Variants in MAN2A1 observed in about 807,000 individuals in gnomAD.
MAN2A1 encodes mannosidase alpha class 2A member 1, also known as alpha-mannosidase 2.
Under a neutral mutation model 142.6 loss-of-function variants are expected in MAN2A1, and 76 were observed. The observed-to-expected ratio is 0.53, with a 90% CI of 0.44 to 0.65. The LOEUF (loss-of-function observed/expected upper bound fraction) is 0.65, where lower values mean the gene tolerates loss of function less well. Ranked by LOEUF, MAN2A1 falls within the 30% of genes least tolerant of loss-of-function variation. The pLI is 0.00. For missense variants in MAN2A1, 1,311 were observed against 1,365.1 expected (o/e 0.96, Z 0.62); for synonymous variants, 559 against 473.2 (o/e 1.18, Z -2.35).
intron 10 of MAN2A1, among the ~76,000 whole-genome samples, chr5:109,787,324 CA>C (rs1256169428): frequency 6.6e-6 from 1 of 151,932 alleles, no homozygotes; most frequent in African/African-American, 2.4e-5. Context: ...CTCCTTAATA[CA>C]ACAACCATAA....
chr5:109,758,329 A>G (rs1752745247), intron 5 of MAN2A1, among the ~76,000 whole-genome samples: 1 of 152,092 alleles, frequency 6.6e-6, no homozygotes, highest in African/African-American at 2.4e-5. Flanking sequence ...TCTTTTAAGG[A>G]TAAATGTCTA....
rs115600778 is a variant in MAN2A1 at position 109,821,677 on chromosome 5, C to A, written c.2451+1335C>A. On this transcript the variant is annotated intron_variant, in intron 15 of 21. Coordinates refer to ENST00000261483, the MANE Select transcript of MAN2A1 (RefSeq NM_002372.4). ...TTTTGTGGTTACTAGTAAGGTTGAA[C>A]GTTTTTGTACCTTCATTTATCTTTC... Among the ~76,000 whole-genome samples the A allele has an allele frequency of 4.9e-3, 740 of 152,054 alleles. 12 individuals are homozygous for A. The highest frequency in any genetic ancestry group is 0.017 in the African/African-American group (712 of 41,482).
chr5:109,820,002 C>T (rs943207351), intron 14 of MAN2A1, 115 bp downstream of exon 14: 1 of 859,430 alleles, frequency 1.2e-6, no homozygotes, highest in East Asian at 2.5e-5. Flanking sequence ...ATCAAATACT[C>T]TTGAGTAAAA....
intron 3 of MAN2A1, among the ~76,000 whole-genome samples, chr5:109,719,380 G>A (rs1300166964): frequency 6.6e-6 from 1 of 152,092 alleles, no homozygotes; most frequent in East Asian, 1.9e-4. Context: ...CTTAACAAAA[G>A]TAAAATATTG....
chr5:109,825,351 T>C (rs1754728090), intron 16 of MAN2A1, among the ~76,000 whole-genome samples: 1 of 152,254 alleles, frequency 6.6e-6, no homozygotes. Context: ...ACTTGTGTCA[T>C]CAGGTTTGAT....
At chr5:109,806,571 C>G (rs1207795863) in intron 12 of MAN2A1, among the ~76,000 whole-genome samples, 1 of 152,016 alleles carries the variant, frequency 6.6e-6, no homozygotes, top group Non-Finnish European at 1.5e-5. Flanking sequence ...AACTGTCTGC[C>G]CCAGTAATAT....
At chr5:109,751,614 G>GT (rs1752551088) in intron 4 of MAN2A1, among the ~76,000 whole-genome samples, 1 of 151,108 alleles carries the variant, frequency 6.6e-6, no homozygotes, top group Non-Finnish European at 1.5e-5. Context: ...TAATGTAAAT[G>GT]TTTTTTAAAA....
chr5:109,857,593 T>C (rs1755656854), intron 20 of MAN2A1, among the ~76,000 whole-genome samples: 1 of 152,220 alleles, frequency 6.6e-6, no homozygotes, highest in South Asian at 2.1e-4. Flanking sequence ...TGGAGCTGAC[T>C]AGAGTCAGTG....
intron 3 of MAN2A1, among the ~76,000 whole-genome samples, chr5:109,727,238 C>G (rs148866455): frequency 3.9e-5 from 6 of 151,974 alleles, no homozygotes; most frequent in African/African-American, 1.5e-4. Flanking sequence ...TTTCACAGTT[C>G]GAGGCTAGAA....
chr5:109,820,981 G>T (rs1349971619), intron 15 of MAN2A1, among the ~76,000 whole-genome samples: 1 of 152,070 alleles, frequency 6.6e-6, no homozygotes, highest in Non-Finnish European at 1.5e-5. Context: ...ATTTTCCACT[G>T]GACCATTTTT....
intron 12 of MAN2A1, among the ~76,000 whole-genome samples, chr5:109,797,475 G>T (rs1448461369): frequency 6.6e-6 from 1 of 151,948 alleles, no homozygotes; most frequent in African/African-American, 2.4e-5. Flanking sequence ...CTGAAAGAGG[G>T]TATGGATGTG....
Position 109,855,294 on chromosome 5 carries a change from G to A in MAN2A1, c.3131G>A (p.Cys1044Tyr). The change falls in exon 20 of 22, where the codon TGT (cysteine) becomes TAT (tyrosine). Residue 1044 changes from cysteine (C) to tyrosine (Y), a missense_variant. Around this residue, in one of 3 missense-constraint regions of MAN2A1, gnomAD observed 890 missense variants for 920.5 expected, o/e 0.97. Transcript: ENST00000261483. ...EFSPLQSSLP[C>Y]DIHLVNLRTI... Reference sequence around the variant, plus strand: ...TCTCCATTACAGTCATCTTTGCCTTGTGACATTCATCTGGTTAATTTGAGA... The same window carrying A: ...TCTCCATTACAGTCATCTTTGCCTTATGACATTCATCTGGTTAATTTGAGA... The A allele has an allele frequency of 6.3e-7, 1 of 1,599,824 alleles. No homozygotes were observed. Among genetic ancestry groups the A allele is most frequent in the Non-Finnish European group, 8.5e-7 (1 of 1,175,500 alleles).
intron 12 of MAN2A1, among the ~76,000 whole-genome samples, chr5:109,798,203 C>G (rs1205078071): frequency 2.0e-5 from 3 of 152,102 alleles, no homozygotes; most frequent in Admixed American, 6.5e-5. Flanking sequence ...ATATTAATGC[C>G]TGAAATAGGT....
intron 16 of MAN2A1, among the ~76,000 whole-genome samples, chr5:109,833,848 A>C (rs1754994414): frequency 6.6e-6 from 1 of 152,222 alleles, no homozygotes; most frequent in African/African-American, 2.4e-5. Flanking sequence ...ACTGCCTGAC[A>C]ACCTGATTAG....
chr5:109,834,523 C>T (rs1561535983), intron 16 of MAN2A1, among the ~76,000 whole-genome samples: 1 of 152,064 alleles, frequency 6.6e-6, no homozygotes, highest in African/African-American at 2.4e-5. Context: ...TTGGTATAAT[C>T]TTTACCCAAC....
intron 12 of MAN2A1, among the ~76,000 whole-genome samples, chr5:109,804,470 A>G (rs968472825): frequency 2.0e-5 from 3 of 152,072 alleles, no homozygotes; most frequent in African/African-American, 4.8e-5. Flanking sequence ...TATTACAGGT[A>G]GTTGGTTGGC....
At chr5:109,753,814 C>G (rs984554073) in intron 4 of MAN2A1, among the ~76,000 whole-genome samples, 1 of 152,136 alleles carries the variant, frequency 6.6e-6, no homozygotes, top group Non-Finnish European at 1.5e-5. Flanking sequence ...TTGCTTCTTT[C>G]TGAAATTTTA....
Position 109,797,847 on chromosome 5 carries a change from TAGAC to T in MAN2A1, c.1943+8323_1943+8326del, listed in dbSNP as rs775292088. Among the ~76,000 whole-genome samples the T allele has an allele frequency of 1.8e-4, 27 of 152,302 alleles. No individual in the cohort carries two copies. The Middle Eastern group carries it at 0.014, about 77-fold the overall frequency. Reference sequence around the variant, plus strand: ...ATATAGAACAAACGCTAGACTGACTTAGACAGGAAGACTATGAAGTTTTGAAATC... The same window carrying T: ...ATATAGAACAAACGCTAGACTGACTTAGGAAGACTATGAAGTTTTGAAATC... On this transcript the variant is annotated intron_variant, in intron 12 of 21. Coordinates refer to ENST00000261483, the MANE Select transcript of MAN2A1 (RefSeq NM_002372.4).
intron 4 of MAN2A1, among the ~76,000 whole-genome samples, chr5:109,745,601 ATTT>A (rs1348784980): frequency 6.6e-6 from 1 of 152,052 alleles, no homozygotes; most frequent in African/African-American, 2.4e-5. Context: ...TGAGAAATTT[ATTT>A]TTATTTCTAT....
Sources: gnomAD v4.1 joint callset for allele counts (sites outside exome capture counted in the v4.1 genomes callset) on GRCh38, gnomAD v4.1.1 for gene constraint, gnomAD v4.1.1 regional missense constraint, MANE v1.5 for transcripts, NCBI Gene and HGNC (gene_info 2026-07-23, HGNC 2026-07-21) for gene names.